Variants in TCF7L1 observed in about 807,000 individuals in gnomAD.
The protein encoded by TCF7L1 is transcription factor 7 like 1, also known as transcription factor 7-like 1.
A neutral mutation model predicts 63.7 loss-of-function variants in TCF7L1; 18 were observed. That is an observed-to-expected ratio of 0.28 (90% confidence interval 0.20 to 0.42). The LOEUF (loss-of-function observed/expected upper bound fraction) is 0.42, where lower values mean the gene tolerates loss of function less well. Ranked by LOEUF, TCF7L1 falls within the 10% of genes least tolerant of loss-of-function variation. The probability of loss-of-function intolerance (pLI) is 1.00; values close to 1 mark genes in which losing one functional copy is unlikely to be tolerated. For synonymous variants in TCF7L1, 355 were observed against 340.9 expected, an observed-to-expected ratio of 1.04 and a Z score of -0.46; for missense variants, 654 against 779.3, an observed-to-expected ratio of 0.84 and a Z score of 1.91.
At chr2:85,275,127 T>G (rs1407548930) in intron 3 of TCF7L1, among the ~76,000 whole-genome samples, 1 of 152,240 alleles carries the variant, frequency 6.6e-6, no homozygotes, top group Non-Finnish European at 1.5e-5. Flanking sequence ...CCTCTGTGTT[T>G]AGACAAACAG....
At chr2:85,290,086 TC>T (rs2104375845) in intron 4 of TCF7L1, among the ~76,000 whole-genome samples, 1 of 149,552 alleles carries the variant, frequency 6.7e-6, no homozygotes, top group Admixed American at 6.7e-5. Context: ...CAAGCAATTC[TC>T]CCTGCCTCAG....
At chr2:85,279,401 AAAAAAT>A (rs1681359949) in intron 3 of TCF7L1, among the ~76,000 whole-genome samples, 1 of 141,994 alleles carries the variant, frequency 7.0e-6, no homozygotes, top group Non-Finnish European at 1.6e-5. Context: ...CTCTAAAAAT[AAAAAAT>A]AAAAATAAAT....
At chr2:85,182,109 G>T (rs188070771) in intron 3 of TCF7L1, among the ~76,000 whole-genome samples, 8 of 152,270 alleles carry the variant, frequency 5.3e-5, no homozygotes, top group African/African-American at 1.9e-4. Flanking sequence ...GAATTAAGTG[G>T]GATTTCGGTT....
intron 3 of TCF7L1, among the ~76,000 whole-genome samples, chr2:85,188,428 T>C (rs1678976847): frequency 6.6e-6 from 1 of 152,232 alleles, no homozygotes; most frequent in Non-Finnish European, 1.5e-5. Context: ...TACACTTTTT[T>C]TCCAACTTCC....
chr2:85,241,431 GTTTTTGTTTTTTTTTTTTTT>G (rs1680324040), intron 3 of TCF7L1, among the ~76,000 whole-genome samples: 1 of 68,782 alleles, frequency 1.5e-5, no homozygotes, highest in Admixed American at 1.5e-4. Context: ...GATGCACTTT[GTTTTTGTTTTTTTTTTTTTT>G]TTTTTTTTTT....
chr2:85,188,113 G>T (rs1678966857), intron 3 of TCF7L1, among the ~76,000 whole-genome samples: 1 of 152,208 alleles, frequency 6.6e-6, no homozygotes, highest in Non-Finnish European at 1.5e-5. Flanking sequence ...ATGAGTGGTT[G>T]CCAGGTGCTA....
At chr2:85,190,633 GC>G (rs1679022552) in intron 3 of TCF7L1, among the ~76,000 whole-genome samples, 1 of 152,194 alleles carries the variant, frequency 6.6e-6, no homozygotes, top group Non-Finnish European at 1.5e-5. Flanking sequence ...ATGCTAAGGA[GC>G]CTTTGTGTTT....
chr2:85,149,960 G>A (rs1398707507), intron 3 of TCF7L1, among the ~76,000 whole-genome samples: 2 of 152,220 alleles, frequency 1.3e-5, no homozygotes, highest in Non-Finnish European at 2.9e-5. Flanking sequence ...GAAGGGACAA[G>A]ATACGTTCTA....
intron 3 of TCF7L1, among the ~76,000 whole-genome samples, chr2:85,267,823 C>T (rs944328290): frequency 2.6e-5 from 4 of 152,094 alleles, no homozygotes; most frequent in African/African-American, 9.7e-5. Flanking sequence ...CACAAGGTAA[C>T]GCATCACTAA....
intron 3 of TCF7L1, among the ~76,000 whole-genome samples, chr2:85,204,532 G>A (rs553454785): frequency 3.4e-4 from 51 of 152,216 alleles, no homozygotes; most frequent in Middle Eastern, 6.8e-3. Flanking sequence ...GGGTCTGATA[G>A]TATTTGTGCA....
At chr2:85,305,438 G>T (rs769558796) in intron 8 of TCF7L1, 35 bp downstream of exon 8, 2 of 1,578,522 alleles carry the variant, frequency 1.3e-6, no homozygotes, top group African/African-American at 1.3e-5. Context: ...AGGTGGGAGG[G>T]TGCAGGCTGT....
chr2:85,151,128 T>C (rs1678005120), intron 3 of TCF7L1, among the ~76,000 whole-genome samples: 1 of 152,232 alleles, frequency 6.6e-6, no homozygotes, highest in Non-Finnish European at 1.5e-5. Flanking sequence ...TCAAAGATGA[T>C]TTATCAAGAA....
chr2:85,168,527 C>G (rs566378627), intron 3 of TCF7L1, among the ~76,000 whole-genome samples: 15 of 151,902 alleles, frequency 9.9e-5, no homozygotes, highest in African/African-American at 3.6e-4. Flanking sequence ...TGGGTGCTGC[C>G]GAGTCTGAGC....
At chr2:85,303,342 C>CT (rs80330857) in intron 5 of TCF7L1, 2,407 of 144,462 alleles carry the variant, frequency 0.017, 29 homozygotes, top group African/African-American at 0.039. Context: ...GCTTTTTTTT[C>CT]TTTTTTTTTT....
At chr2:85,222,692 T>C (rs950199115) in intron 3 of TCF7L1, among the ~76,000 whole-genome samples, 1 of 135,386 alleles carries the variant, frequency 7.4e-6, no homozygotes, top group Non-Finnish European at 1.5e-5. Flanking sequence ...AAAAAAAAGA[T>C]TAAAGGCTTT....
At chr2:85,269,211 C>T (rs1464327047) in intron 3 of TCF7L1, among the ~76,000 whole-genome samples, 1 of 152,172 alleles carries the variant, frequency 6.6e-6, no homozygotes, top group Non-Finnish European at 1.5e-5. Context: ...AACATGCAGT[C>T]CTACAACCAT....
intron 3 of TCF7L1, among the ~76,000 whole-genome samples, chr2:85,188,255 C>T (rs1417484973): frequency 6.6e-6 from 1 of 152,040 alleles, no homozygotes; most frequent in East Asian, 1.9e-4. Flanking sequence ...TTACATAGGG[C>T]TACACATACA....
chr2:85,144,417 CAA>C lies in TCF7L1; in HGVS notation c.441+9983_441+9984del, dbSNP rs55964315. Among the ~76,000 whole-genome samples, 282 of 95,016 alleles carry C rather than the reference CAA, an allele frequency of 3.0e-3. 1 individual carries two copies. Among genetic ancestry groups the C allele is most frequent in the African/African-American group, 9.1e-3 (231 of 25,494 alleles). 62.3% of individuals were successfully genotyped at this position (95,016 alleles called of 152,430 possible). ...GTAACTTGGCAAAACCCTGTCTCTA[CAA>C]AAAAAAAAAAAAAAACAAAAACCAA... On this transcript the variant is annotated intron_variant, in intron 3 of 11. Transcript: ENST00000282111.
chr2:85,212,357 G>A (rs191741040), intron 3 of TCF7L1, among the ~76,000 whole-genome samples: 19 of 152,158 alleles, frequency 1.2e-4, no homozygotes, highest in Admixed American at 6.5e-4. Context: ...CAGTACCTGC[G>A]TCCTGATCTT....
Sources: gnomAD v4.1 joint callset for allele counts (sites outside exome capture counted in the v4.1 genomes callset) on GRCh38, gnomAD v4.1.1 for gene constraint, MANE v1.5 for transcripts, NCBI Gene and HGNC (gene_info 2026-07-23, HGNC 2026-07-21) for gene names.